Variants in NRXN3 observed in about 807,000 individuals in gnomAD.
NRXN3 encodes neurexin III.
A neutral mutation model predicts 137.6 loss-of-function variants in NRXN3; 32 were observed. The observed-to-expected ratio is 0.23, with a 90% CI of 0.18 to 0.31. The LOEUF is 0.31. NRXN3 is among the 10% of genes least tolerant of loss of function. The pLI is 1.00. For synonymous variants in NRXN3, 798 were observed against 784.5 expected, an observed-to-expected ratio of 1.02 and a Z score of -0.29; for missense variants, 1,574 against 2,062.5, an observed-to-expected ratio of 0.76 and a Z score of 4.59.
chr14:79,706,419 C>CTTT (rs919138966), intron 19 of NRXN3, among the ~76,000 whole-genome samples: 1,162 of 115,950 alleles, frequency 0.01, 12 homozygotes, highest in South Asian at 0.037. Context: ...GGCTTTTTTA[C>CTTT]TTTTTTTTTT....
chr14:78,673,327 GT>G (rs1355587368), intron 6 of NRXN3, among the ~76,000 whole-genome samples: 1 of 152,178 alleles, frequency 6.6e-6, no homozygotes. Flanking sequence ...GCTGTGTGGT[GT>G]TTTTGTGTTG....
chr14:79,831,214 A>T (rs4903881), intron 20 of NRXN3, among the ~76,000 whole-genome samples: 138,607 of 152,266 alleles, frequency 0.91, 63,126 homozygotes, highest in East Asian at 1. Context: ...GACAGGAAAC[A>T]TAATACTCTC....
intron 19 of NRXN3, among the ~76,000 whole-genome samples, chr14:79,752,892 A>C (rs2099003373): frequency 6.6e-6 from 1 of 152,230 alleles, no homozygotes; most frequent in Non-Finnish European, 1.5e-5. Context: ...AAACAACCCC[A>C]TGGAAAAGTG....
At chr14:79,094,971 A>AGTGTGT (rs1178553706) in intron 15 of NRXN3, among the ~76,000 whole-genome samples, 32 of 100,368 alleles carry the variant, frequency 3.2e-4, no homozygotes, top group African/African-American at 1.1e-3. Context: ...AGAGAGAGAG[A>AGTGTGT]GAGAGAGAGT....
chr14:79,823,275 T>C (rs1170984247), intron 20 of NRXN3, among the ~76,000 whole-genome samples: 1 of 152,218 alleles, frequency 6.6e-6, no homozygotes, highest in East Asian at 1.9e-4. Context: ...CTAATAAAAA[T>C]TCATGCCAAA....
At chr14:79,664,736 A>T (rs188455153) in intron 17 of NRXN3, among the ~76,000 whole-genome samples, 1 of 152,282 alleles carries the variant, frequency 6.6e-6, no homozygotes, top group Non-Finnish European at 1.5e-5. Context: ...TCCCAGGAAA[A>T]GTCCTGAATG....
chr14:78,353,181 A>C (rs2083793525), intron 4 of NRXN3, among the ~76,000 whole-genome samples: 2 of 152,160 alleles, frequency 1.3e-5, no homozygotes, highest in South Asian at 4.1e-4. Flanking sequence ...AATGCTAAGG[A>C]AAGTCAGGGA....
chr14:79,706,041 A>G (rs2098777276), intron 19 of NRXN3, among the ~76,000 whole-genome samples: 1 of 152,158 alleles, frequency 6.6e-6, no homozygotes, highest in African/African-American at 2.4e-5. Context: ...CAATATTTAC[A>G]GGCTGAATCC....
chr14:78,879,063 G>A (rs1035632989), intron 10 of NRXN3, among the ~76,000 whole-genome samples: 2 of 152,066 alleles, frequency 1.3e-5, no homozygotes, highest in Non-Finnish European at 2.9e-5. Context: ...AATAATATTG[G>A]TTGTGTACAT....
intron 4 of NRXN3, among the ~76,000 whole-genome samples, chr14:78,560,770 C>T (rs2096779066): frequency 6.6e-6 from 1 of 152,166 alleles, no homozygotes; most frequent in Non-Finnish European, 1.5e-5. Flanking sequence ...AAGATAACTT[C>T]ATAGAGGAAA....
intron 15 of NRXN3, among the ~76,000 whole-genome samples, chr14:79,220,438 T>C (rs903321734): frequency 1.3e-5 from 2 of 152,132 alleles, no homozygotes; most frequent in Admixed American, 6.5e-5. Flanking sequence ...TTTCTTACAA[T>C]TGATGAAACA....
At chr14:79,752,214 G>A (rs1418659805) in intron 19 of NRXN3, among the ~76,000 whole-genome samples, 1 of 134,858 alleles carries the variant, frequency 7.4e-6, no homozygotes, top group Admixed American at 8.0e-5. Flanking sequence ...GACTCTTTTT[G>A]CTTGGTAAGC....
chr14:78,415,867 T>C (rs749149140), intron 4 of NRXN3, among the ~76,000 whole-genome samples: 2 of 150,970 alleles, frequency 1.3e-5, no homozygotes, highest in South Asian at 2.1e-4. Flanking sequence ...GAAACACAGC[T>C]CTCACCAAGA....
chr14:79,697,416 T>A (rs772821991), intron 18 of NRXN3, among the ~76,000 whole-genome samples: 64 of 151,938 alleles, frequency 4.2e-4, no homozygotes, highest in Non-Finnish European at 7.4e-4. Flanking sequence ...GACTTGATTG[T>A]TCAAGTTATC....
intron 15 of NRXN3, among the ~76,000 whole-genome samples, chr14:79,126,051 A>G (rs1490256310): frequency 6.6e-6 from 1 of 152,142 alleles, no homozygotes; most frequent in Non-Finnish European, 1.5e-5. Context: ...AGTACCTAAA[A>G]AATTGAACAC....
intron 10 of NRXN3, among the ~76,000 whole-genome samples, chr14:78,911,033 A>T (rs1402961672): frequency 6.6e-6 from 1 of 152,200 alleles, no homozygotes; most frequent in Non-Finnish European, 1.5e-5. Context: ...TATTGTTTTC[A>T]ATTTAATGCT....
chr14:78,320,190 G>A (rs2079159935), intron 4 of NRXN3, among the ~76,000 whole-genome samples: 1 of 152,106 alleles, frequency 6.6e-6, no homozygotes, highest in African/African-American at 2.4e-5. Flanking sequence ...GCTTCCCCAG[G>A]GACTAATCCA....
rs1019572170 is a variant in NRXN3 at position 79,818,057 on chromosome 14, T to G, written c.4093+12867T>G. Among the ~76,000 whole-genome samples, 196 of 140,182 alleles carry G rather than the reference T, an allele frequency of 1.4e-3. 3 individuals carry two copies. Among genetic ancestry groups the G allele is most frequent in the African/African-American group, 5.0e-3 (187 of 37,640 alleles). 92.0% of individuals were successfully genotyped at this position (140,182 alleles called of 152,430 possible). ...ATATGTGCACTTGGGTTTTTTTTTT[T>G]TTTTTTTTTTTTTTTTGAGACGGAG... On this transcript the variant is annotated intron_variant, in intron 20 of 20. Transcript: ENST00000335750.
At chr14:79,107,234 G>T (rs1004484358) in intron 15 of NRXN3, among the ~76,000 whole-genome samples, 1 of 152,142 alleles carries the variant, frequency 6.6e-6, no homozygotes, top group Non-Finnish European at 1.5e-5. Flanking sequence ...GGACTTGAGA[G>T]AGTAGAGAGC....
Sources: allele counts gnomAD v4.1 joint callset (sites outside exome capture counted in the v4.1 genomes callset), GRCh38; gene constraint gnomAD v4.1.1; transcripts MANE v1.5; gene names NCBI Gene and HGNC (gene_info 2026-07-23, HGNC 2026-07-21).